Variants in DPP10 observed in about 807,000 individuals in gnomAD.
The protein encoded by DPP10 is dipeptidyl peptidase like 10, also known as inactive dipeptidyl peptidase 10.
DPP10 carries 33 observed loss-of-function variants against 120.9 expected under a neutral mutation model. That is an observed-to-expected ratio of 0.27 (90% confidence interval 0.21 to 0.37). DPP10 has a LOEUF of 0.37. Among genes scored for constraint, DPP10 ranks in the 10% least tolerant of loss-of-function variants. DPP10 has a pLI of 1.00. For synonymous variants in DPP10, 337 were observed against 326.1 expected, an observed-to-expected ratio of 1.03 and a Z score of -0.36; for missense variants, 816 against 942.8, an observed-to-expected ratio of 0.87 and a Z score of 1.76.
intron 1 of DPP10, among the ~76,000 whole-genome samples, chr2:115,260,792 G>A (rs1014298292): frequency 6.6e-6 from 1 of 152,108 alleles, no homozygotes; most frequent in Admixed American, 6.6e-5. Context: ...TTTGAGAAAT[G>A]GAACTAAAAC....
intron 7 of DPP10, among the ~76,000 whole-genome samples, chr2:115,693,598 T>C (rs1041236401): frequency 1.1e-4 from 16 of 152,202 alleles, no homozygotes; most frequent in African/African-American, 3.6e-4. Flanking sequence ...GACAAAATAA[T>C]AGCACTTTGA....
chr2:114,461,620 A>C (rs1678921663), intron 1 of DPP10: 2 of 985,426 alleles, frequency 2.0e-6, no homozygotes, highest in Middle Eastern at 5.2e-4. Flanking sequence ...AGAAGGCTTT[A>C]AGAAAGACAG....
chr2:115,789,064 G>A (rs1398754353), intron 17 of DPP10, among the ~76,000 whole-genome samples: 2 of 152,066 alleles, frequency 1.3e-5, no homozygotes, highest in East Asian at 1.9e-4. Context: ...CTTGCAGTGA[G>A]CCGAGATCAC....
intron 1 of DPP10, among the ~76,000 whole-genome samples, chr2:114,970,035 C>A (rs1046009212): frequency 2.1e-4 from 32 of 152,016 alleles, no homozygotes; most frequent in African/African-American, 7.7e-4. Flanking sequence ...CTTTATCCTA[C>A]CCTAGGTATG....
chr2:114,529,735 C>G (rs1158167841), intron 1 of DPP10, among the ~76,000 whole-genome samples: 1 of 151,936 alleles, frequency 6.6e-6, no homozygotes, highest in Non-Finnish European at 1.5e-5. Context: ...CAGGTTTGTT[C>G]CATAGGTAAA....
intron 1 of DPP10, among the ~76,000 whole-genome samples, chr2:115,044,693 A>G (rs529218156): frequency 6.6e-6 from 1 of 152,276 alleles, no homozygotes; most frequent in South Asian, 2.1e-4. Flanking sequence ...ACTATCAAAT[A>G]TTAGATCTTA....
At chr2:115,180,532 C>A (rs2054002698) in intron 1 of DPP10, among the ~76,000 whole-genome samples, 1 of 152,112 alleles carries the variant, frequency 6.6e-6, no homozygotes, top group South Asian at 2.1e-4. Context: ...CTTCTAATTA[C>A]GGTGATATAG....
At chr2:115,731,145 G>T (rs201741142) in intron 8 of DPP10, among the ~76,000 whole-genome samples, 4 of 152,222 alleles carry the variant, frequency 2.6e-5, no homozygotes, top group African/African-American at 7.2e-5. Flanking sequence ...GGATCATGAG[G>T]TCAGGAGATT....
intron 1 of DPP10, among the ~76,000 whole-genome samples, chr2:115,094,362 T>C (rs1709539101): frequency 6.6e-6 from 1 of 152,124 alleles, no homozygotes; most frequent in South Asian, 2.1e-4. Flanking sequence ...AATTCAAATA[T>C]CTGGACTGAG....
chr2:114,545,146 G>A (rs1687287910), intron 1 of DPP10, among the ~76,000 whole-genome samples: 1 of 151,944 alleles, frequency 6.6e-6, no homozygotes, highest in Admixed American at 6.5e-5. Flanking sequence ...CACTATGCCA[G>A]GCTCTCAATA....
chr2:114,833,957 A>C (rs1687373951), intron 1 of DPP10: 1 of 152,044 alleles, frequency 6.6e-6, no homozygotes, highest in African/African-American at 2.4e-5. Flanking sequence ...CCAAAGTATA[A>C]TGATTGAGTT....
intron 3 of DPP10, among the ~76,000 whole-genome samples, chr2:115,380,985 A>AT (rs1559512961): frequency 1.3e-5 from 2 of 151,700 alleles, no homozygotes; most frequent in African/African-American, 2.4e-5. Context: ...TGCCCTTAAC[A>AT]TTTTTTCCTT....
intron 1 of DPP10, among the ~76,000 whole-genome samples, chr2:114,575,264 G>C (rs1356622932): frequency 1.3e-5 from 2 of 152,096 alleles, no homozygotes; most frequent in African/African-American, 2.4e-5. Context: ...TAGAGGGGAA[G>C]GCTGGGCTGG....
intron 1 of DPP10, among the ~76,000 whole-genome samples, chr2:114,567,847 C>A (rs1157960002): frequency 1.3e-5 from 2 of 152,002 alleles, no homozygotes; most frequent in African/African-American, 4.8e-5. Context: ...ACAACACACA[C>A]TGGGGCCTGT....
At chr2:115,362,557 G>A (rs1442866123) in intron 3 of DPP10, among the ~76,000 whole-genome samples, 1 of 152,102 alleles carries the variant, frequency 6.6e-6, no homozygotes, top group African/African-American at 2.4e-5. Context: ...CAAACAGTGA[G>A]TTCCCCATTT....
intron 5 of DPP10, among the ~76,000 whole-genome samples, chr2:115,666,491 T>C (rs527314882): frequency 6.6e-6 from 1 of 152,222 alleles, no homozygotes; most frequent in Admixed American, 6.5e-5. Context: ...ACCTGGGGAA[T>C]TGCAATTCAA....
intron 1 of DPP10, among the ~76,000 whole-genome samples, chr2:115,126,579 C>T (rs1379150525): frequency 6.6e-6 from 1 of 152,172 alleles, no homozygotes; most frequent in African/African-American, 2.4e-5. Flanking sequence ...GAAAAGTTTA[C>T]ATTTGAAATG....
intron 3 of DPP10, among the ~76,000 whole-genome samples, chr2:115,374,621 C>G (rs185665335): frequency 2.6e-5 from 4 of 152,324 alleles, no homozygotes; most frequent in Non-Finnish European, 5.9e-5. Context: ...CATGAGGGCT[C>G]CGCACATGCA....
At chr2:115,156,491 A>C (rs2051921578) in intron 1 of DPP10, among the ~76,000 whole-genome samples, 1 of 152,232 alleles carries the variant, frequency 6.6e-6, no homozygotes, top group African/African-American at 2.4e-5. Context: ...AAAAAGATGA[A>C]AATCTTTCCT....
Sources: allele counts gnomAD v4.1 joint callset (sites outside exome capture counted in the v4.1 genomes callset), GRCh38; gene constraint gnomAD v4.1.1; transcripts MANE v1.5; gene names NCBI Gene and HGNC (gene_info 2026-07-23, HGNC 2026-07-21).